The following PARVB variants were observed in gnomAD, a reference collection of about 807,000 sequenced individuals.
PARVB encodes the protein beta-parvin.
In PARVB, 46 loss-of-function variants were observed where a neutral mutation model predicts 47.0. That is an observed-to-expected ratio of 0.98 (90% CI 0.77 to 1.25). The LOEUF (loss-of-function observed/expected upper bound fraction) is 1.25, where lower values mean the gene tolerates loss of function less well. PARVB is among the 50% of genes most tolerant of loss of function. The pLI, the probability that PARVB is intolerant of heterozygous loss-of-function variation, is 0.00. For synonymous variants in PARVB, 196 were observed against 196.3 expected (o/e 1.00, Z 0.01); for missense variants, 473 against 471.6 (o/e 1.00, Z -0.03).
intron 1 of PARVB, among the ~76,000 whole-genome samples, chr22:44,067,428 C>A (rs543879833): frequency 6.6e-6 from 1 of 152,236 alleles, no homozygotes; most frequent in Non-Finnish European, 1.5e-5. Context: ...GCCTCCTCCC[C>A]CAAGGGGCTG....
intron 3 of PARVB, among the ~76,000 whole-genome samples, chr22:44,102,254 C>T (rs9614325): frequency 0.13 from 19,025 of 152,106 alleles, 1,501 homozygotes; most frequent in Non-Finnish European, 0.19. Context: ...TGAGGCCCAC[C>T]CGCTTTGGGG....
rs146408859 is a variant in PARVB, at chr22:44,151,277, G to T, written c.775-206G>T. The stretch of plus-strand genomic sequence containing the variant: ...ATGGGTTGGTGAGCAGAGACGTGTA[G>T]CCAGGATAGATGTGGGCATTATGCC... On this transcript the variant is annotated intron_variant, in intron 9 of 12. Coordinates refer to ENST00000338758, the MANE Select transcript of PARVB (RefSeq NM_013327.5). The T allele has an allele frequency of 1.6e-3, 845 of 535,948 alleles. 4 individuals are homozygous for T. The highest frequency in any genetic ancestry group is 0.015 in the African/African-American group (792 of 52,502). 33.2% of individuals were successfully genotyped at this position (535,948 alleles called of 1,614,324 possible).
chr22:44,006,976 G>A (rs2050471934), intron 2 of PARVB, among the ~76,000 whole-genome samples: 1 of 152,204 alleles, frequency 6.6e-6, no homozygotes, highest in Admixed American at 6.5e-5. Context: ...CAGGAGGGGA[G>A]CCCCAGATCA....
intron 2 of PARVB, among the ~76,000 whole-genome samples, chr22:44,013,155 C>T (rs866410382): frequency 5.9e-5 from 9 of 152,310 alleles, no homozygotes; most frequent in Middle Eastern, 3.4e-3. Context: ...GCCTCGGCCT[C>T]CCAAAGTGCT....
intron 9 of PARVB, 71 bp downstream of exon 9, chr22:44,147,993 C>A: frequency 1.7e-6 from 2 of 1,160,798 alleles, no homozygotes; most frequent in Non-Finnish European, 1.3e-6. Context: ...AAACGCCCCG[C>A]TGGGAAGAAG....
intron 3 of PARVB, chr22:44,104,342 C>G (rs1411237407): frequency 6.6e-6 from 1 of 152,268 alleles, no homozygotes; most frequent in Non-Finnish European, 1.5e-5. Flanking sequence ...GACACAGCAA[C>G]CCGGAGAGCA....
intron 2 of PARVB, among the ~76,000 whole-genome samples, chr22:43,999,963 C>T (rs1007756142): frequency 2.6e-5 from 4 of 151,478 alleles, no homozygotes; most frequent in African/African-American, 9.7e-5. Flanking sequence ...GCCGTGATTG[C>T]ACCACTGCAC....
intron 1 of PARVB, among the ~76,000 whole-genome samples, chr22:44,090,184 GT>G (rs1288501533): frequency 6.6e-6 from 1 of 152,226 alleles, no homozygotes; most frequent in Non-Finnish European, 1.5e-5. Context: ...GCTTAGTGCG[GT>G]GAGGGGACTT....
intron 2 of PARVB, among the ~76,000 whole-genome samples, chr22:44,095,483 G>A (rs1032227334): frequency 1.2e-4 from 18 of 150,700 alleles, no homozygotes; most frequent in Non-Finnish European, 2.5e-4. Flanking sequence ...CAACCTGGGT[G>A]ACAGAGCGAG....
At chr22:44,097,414 G>A (rs2052333743) in intron 2 of PARVB, among the ~76,000 whole-genome samples, 1 of 152,218 alleles carries the variant, frequency 6.6e-6, no homozygotes, top group Admixed American at 6.5e-5. Context: ...CAGACTGAGG[G>A]CCATGATGTG....
At position 44,083,807 on chromosome 22, in the gene PARVB, T is replaced by C. The variant is rs148478297; in HGVS notation, c.113-10121T>C. On this transcript the variant is annotated intron_variant, in intron 1 of 12. Transcript: ENST00000338758. ...TTTACCCTGGAGCTGGTGGGAGCCA[T>C]GGGGTGCACTGCAGCAGGGAGTGAC... Among the ~76,000 whole-genome samples, 771 of 152,166 alleles carry C rather than the reference T, an allele frequency of 5.1e-3. 7 individuals are homozygous for C. Among genetic ancestry groups the C allele is most frequent in the African/African-American group, 0.017 (695 of 41,520 alleles).
intron 2 of PARVB, among the ~76,000 whole-genome samples, chr22:44,004,998 G>C (rs917070850): frequency 2.0e-5 from 3 of 152,188 alleles, no homozygotes; most frequent in African/African-American, 4.8e-5. Flanking sequence ...ACTCCTGACC[G>C]ACCTGCTTAT....
chr22:44,051,223 C>T (rs2051202642), intron 1 of PARVB, among the ~76,000 whole-genome samples: 2 of 152,242 alleles, frequency 1.3e-5, no homozygotes, highest in African/African-American at 4.8e-5. Flanking sequence ...GACTTGTGCT[C>T]TGCAGCTGCA....
In PARVB at chr22:44,012,981, C is replaced by T. The variant is rs146764989; in HGVS notation, c.211+13308C>T. 9.3e-3 allele frequency among the ~76,000 whole-genome samples: 1,420 copies of T among 152,096 alleles called. 31 individuals are homozygous for T. The highest frequency in any genetic ancestry group is 0.033 in the African/African-American group (1,360 of 41,464). The stretch of plus-strand genomic sequence containing the variant: ...GCGCGATGTCAGCTTACTGCAACCT[C>T]CACCTCCCGGGTTCAGGCGATTCTC... On this transcript the variant is annotated intron_variant, in intron 2 of 13. Transcript: ENST00000406477.
chr22:44,163,453 G>C (rs1273532628), intron 11 of PARVB, among the ~76,000 whole-genome samples: 1 of 152,184 alleles, frequency 6.6e-6, no homozygotes, highest in Non-Finnish European at 1.5e-5. Context: ...GCACTAGCCT[G>C]CGCTCTAGAC....
chr22:44,024,489 T>A, intron 1 of PARVB, 38 bp downstream of exon 1: 1 of 1,038,150 alleles, frequency 9.6e-7, no homozygotes, highest in East Asian at 5.3e-5. Context: ...CCCGGGGACC[T>A]GCCCGGCGGT....
chr22:44,011,119 C>T (rs943441328), intron 2 of PARVB, among the ~76,000 whole-genome samples: 6 of 151,948 alleles, frequency 3.9e-5, no homozygotes, highest in South Asian at 2.1e-4. Context: ...CCACTGCGCC[C>T]GGCCATGCCT....
chr22:44,035,915 T>A (rs771114859), intron 1 of PARVB, among the ~76,000 whole-genome samples: 40 of 152,154 alleles, frequency 2.6e-4, no homozygotes, highest in Non-Finnish European at 4.3e-4. Flanking sequence ...CGGCTACTAT[T>A]ACAGTGGTGC....
chr22:44,004,421 AAG>A (rs1342207652), intron 2 of PARVB, among the ~76,000 whole-genome samples: 3 of 152,192 alleles, frequency 2.0e-5, no homozygotes, highest in Non-Finnish European at 4.4e-5. Context: ...CTCAAGTTAA[AAG>A]AGAATATTAA....
Sources: gnomAD v4.1 joint callset for allele counts (sites outside exome capture counted in the v4.1 genomes callset) on GRCh38, gnomAD v4.1.1 for gene constraint, MANE v1.5 for transcripts, NCBI Gene and HGNC (gene_info 2026-07-23, HGNC 2026-07-21) for gene names.